The following SPECC1 variants were observed in gnomAD, a reference collection of about 807,000 sequenced individuals.
SPECC1 encodes the protein sperm antigen with calponin homology and coiled-coil domains 1.
Under a neutral mutation model 104.1 loss-of-function variants are expected in SPECC1, and 62 were observed. The ratio of observed to expected loss-of-function variants is 0.60; its 90% CI spans 0.49 to 0.74. The LOEUF is 0.74. Ranked by LOEUF, SPECC1 falls within the 30% of genes least tolerant of loss-of-function variation. SPECC1 has a pLI of 0.00. For synonymous variants in SPECC1, 513 were observed against 501.6 expected, an observed-to-expected ratio of 1.02 and a Z score of -0.30; for missense variants, 1,306 against 1,310.5, an observed-to-expected ratio of 1.00 and a Z score of 0.05.
intron 3 of SPECC1, among the ~76,000 whole-genome samples, chr17:20,175,076 C>T (rs535888986): frequency 2.5e-4 from 38 of 152,274 alleles, no homozygotes; most frequent in African/African-American, 9.1e-4. Flanking sequence ...CTCCGCAGCT[C>T]AGTTTTGGCG....
At chr17:20,257,647 G>A in intron 11 of SPECC1, 40 bp downstream of exon 11, 2 of 1,604,120 alleles carry the variant, frequency 1.2e-6, no homozygotes, top group Non-Finnish European at 1.7e-6. Context: ...AAAAACATCG[G>A]GCTAATCACC....
chr17:20,249,811 A>G (rs903604183), intron 9 of SPECC1, among the ~76,000 whole-genome samples: 1 of 152,198 alleles, frequency 6.6e-6, no homozygotes, highest in African/African-American at 2.4e-5. Flanking sequence ...CATAAGAAAC[A>G]TATGGGATGG....
rs1597871659 is a variant in SPECC1 at position 20,169,759 on chromosome 17, T to C, written c.284-34574T>C. Among the ~76,000 whole-genome samples, 5 of 152,294 alleles carry C rather than the reference T, an allele frequency of 3.3e-5. No individual in the cohort carries two copies. The East Asian group carries it at 9.6e-4, about 29-fold the overall frequency. On this transcript the variant is annotated intron_variant, in intron 3 of 14. Transcript: ENST00000395527. ...CTCAAGGGATCCTCCTGCCCTGGCC[T>C]CCCAAAATGCTGGTGTAACAGGCAT...
chr17:20,164,169 A>AT (rs757191309), intron 3 of SPECC1, among the ~76,000 whole-genome samples: 1,401 of 135,290 alleles, frequency 0.01, 18 homozygotes, highest in African/African-American at 0.029. Context: ...TTCCCATGTA[A>AT]TTTTTTTTTT....
chr17:20,150,570 C>T (rs1002948017), intron 3 of SPECC1, among the ~76,000 whole-genome samples: 16 of 150,952 alleles, frequency 1.1e-4, no homozygotes, highest in African/African-American at 3.4e-4. Flanking sequence ...ACTCGGGAGG[C>T]GGAGGTTGCA....
At chr17:20,161,582 A>G (rs939747008) in intron 3 of SPECC1, among the ~76,000 whole-genome samples, 1 of 152,202 alleles carries the variant, frequency 6.6e-6, no homozygotes, top group African/African-American at 2.4e-5. Flanking sequence ...GGCATCTTAC[A>G]TTGCATAACG....
chr17:20,176,914 G>A (rs1278533537), intron 3 of SPECC1, among the ~76,000 whole-genome samples: 1 of 152,162 alleles, frequency 6.6e-6, no homozygotes, highest in Non-Finnish European at 1.5e-5. Flanking sequence ...GGACATATTT[G>A]GGGGATTGTT....
chr17:20,234,699 C>G (rs2151490779), intron 7 of SPECC1, among the ~76,000 whole-genome samples: 1 of 152,310 alleles, frequency 6.6e-6, no homozygotes, highest in African/African-American at 2.4e-5. Flanking sequence ...TAAGATCACC[C>G]AAAAAGCACC....
chr17:20,026,380 G>T (rs1258557216), intron 1 of SPECC1, among the ~76,000 whole-genome samples: 1 of 152,016 alleles, frequency 6.6e-6, no homozygotes, highest in East Asian at 1.9e-4. Context: ...TAAGTTATTG[G>T]TAACTATACT....
chr17:20,038,451 G>T (rs1456248862), intron 1 of SPECC1, among the ~76,000 whole-genome samples: 3 of 138,972 alleles, frequency 2.2e-5, no homozygotes, highest in African/African-American at 8.2e-5. Context: ...CCAGGCTGGC[G>T]TGCAGTGGCA....
intron 12 of SPECC1, among the ~76,000 whole-genome samples, chr17:20,274,530 GGTA>G (rs1490571901): frequency 6.6e-5 from 9 of 135,674 alleles, no homozygotes; most frequent in Non-Finnish European, 1.1e-4. Flanking sequence ...TTTTTTGAGA[GGTA>G]GTCTCAAAAA....
At chr17:20,147,386 A>T (rs990804590) in intron 3 of SPECC1, among the ~76,000 whole-genome samples, 10 of 152,008 alleles carry the variant, frequency 6.6e-5, no homozygotes, top group African/African-American at 2.4e-4. Context: ...ATCATGATTT[A>T]AAAAAAATAC....
intron 1 of SPECC1, among the ~76,000 whole-genome samples, chr17:20,088,749 A>G (rs2047281105): frequency 6.6e-6 from 1 of 152,096 alleles, no homozygotes; most frequent in Non-Finnish European, 1.5e-5. Flanking sequence ...GGTGGATGCT[A>G]TTGTCTGAAT....
intron 1 of SPECC1, among the ~76,000 whole-genome samples, chr17:20,048,576 T>G (rs1379762824): frequency 1.3e-5 from 2 of 152,162 alleles, no homozygotes; most frequent in Admixed American, 1.3e-4. Flanking sequence ...CTGTTTTGAC[T>G]TTAATAGAAG....
At chr17:20,150,496 A>G (rs185314073) in intron 3 of SPECC1, among the ~76,000 whole-genome samples, 302 of 151,252 alleles carry the variant, frequency 2.0e-3, no homozygotes, top group African/African-American at 7.1e-3. Context: ...TAAATTAGCC[A>G]GGTGTGGTGG....
At position 20,204,862 on chromosome 17, in the gene SPECC1, C is replaced by T. The variant is rs766367480; in HGVS notation, c.813C>T (p.Gly271=). ...CAGAAGGGGCAGCAAGTCACACTGG[C>T]GACAGCAGCTGCCCAACATCCATAA... The part of the protein sequence containing the change: ...PNSEGAASHT[G]DSSCPTSITQ... Residue 271 remains glycine (G), a synonymous_variant, in exon 4 of 15, where the codon GGC becomes GGT. Transcript: ENST00000395527. The T allele has an allele frequency of 3.7e-6, 6 of 1,613,770 alleles. No homozygotes were observed. Among genetic ancestry groups the T allele is most frequent in the Middle Eastern group, 3.3e-4 (2 of 6,084 alleles).
chr17:20,209,750 T>C (rs1331381963), intron 4 of SPECC1, among the ~76,000 whole-genome samples: 3 of 152,216 alleles, frequency 2.0e-5, no homozygotes, highest in African/African-American at 4.8e-5. Context: ...GCAAGCAGCA[T>C]GGAGTTGTAT....
chr17:20,121,573 C>T (rs979853339), intron 3 of SPECC1, among the ~76,000 whole-genome samples: 3 of 152,172 alleles, frequency 2.0e-5, no homozygotes, highest in African/African-American at 7.2e-5. Flanking sequence ...CTGGGCTCCT[C>T]CTGCCTTGGC....
chr17:20,181,698 T>C (rs561116513), intron 3 of SPECC1, among the ~76,000 whole-genome samples: 22 of 151,882 alleles, frequency 1.4e-4, no homozygotes, highest in African/African-American at 5.3e-4. Flanking sequence ...ATAAGATAAA[T>C]ATAAAAACAA....
Sources: gnomAD v4.1 joint callset for allele counts (sites outside exome capture counted in the v4.1 genomes callset) on GRCh38, gnomAD v4.1.1 for gene constraint, MANE v1.5 for transcripts, NCBI Gene and HGNC (gene_info 2026-07-23, HGNC 2026-07-21) for gene names.